FSTL4: variants seen among roughly 807,000 people sequenced by gnomAD.
The protein encoded by FSTL4 is follistatin-related protein 4.
Under a neutral mutation model 78.2 loss-of-function variants are expected in FSTL4, and 28 were observed. That is an observed-to-expected ratio of 0.36 (90% CI 0.27 to 0.49). The LOEUF (loss-of-function observed/expected upper bound fraction) is 0.49. Among genes scored for constraint, FSTL4 ranks in the 20% least tolerant of loss-of-function variants. The probability of loss-of-function intolerance (pLI) is 0.98; values close to 1 mark genes in which losing one functional copy is unlikely to be tolerated. For missense variants in FSTL4, 922 were observed against 1,084.9 expected (o/e 0.85, Z 2.11); for synonymous variants, 422 against 440.5 (o/e 0.96, Z 0.53).
chr5:133,279,428 G>T (rs765985605), intron 6 of FSTL4, among the ~76,000 whole-genome samples: 1 of 152,202 alleles, frequency 6.6e-6, no homozygotes, highest in African/African-American at 2.4e-5. Context: ...GTGGAAAAAC[G>T]GTCTTCCAGG....
At chr5:133,566,500 T>C (rs1218599594) in intron 3 of FSTL4, among the ~76,000 whole-genome samples, 1 of 152,174 alleles carries the variant, frequency 6.6e-6, no homozygotes, top group African/African-American at 2.4e-5. Flanking sequence ...ATTCTATCCA[T>C]GTAATAAAAA....
intron 1 of FSTL4, among the ~76,000 whole-genome samples, chr5:133,608,391 C>T (rs1012006476): frequency 6.6e-6 from 1 of 152,194 alleles, no homozygotes; most frequent in African/African-American, 2.4e-5. Context: ...CAGACATTCC[C>T]CCAGTCAGGA....
chr5:133,310,077 A>G (rs932679288), intron 6 of FSTL4, among the ~76,000 whole-genome samples: 1 of 152,232 alleles, frequency 6.6e-6, no homozygotes, highest in Non-Finnish European at 1.5e-5. Context: ...GAGCTATGGG[A>G]ATTTAGTTTA....
intron 6 of FSTL4, among the ~76,000 whole-genome samples, chr5:133,285,042 T>C (rs886310431): frequency 5.3e-5 from 8 of 152,194 alleles, no homozygotes; most frequent in African/African-American, 9.6e-5. Context: ...TGATAGGTGA[T>C]GCTATGGAAG....
rs577861444 is a variant in FSTL4 at position 133,290,040 on chromosome 5, A to T, written c.727+22614T>A. Among the ~76,000 whole-genome samples the T allele has an allele frequency of 2.6e-5, 4 of 152,278 alleles. No homozygotes were observed. The East Asian group carries it at 7.7e-4, about 29-fold the overall frequency. The stretch of plus-strand genomic sequence containing the variant: ...GGGTGCTGATGGCTCTCCATCCCCG[A>T]GAGAGTGGCCAAGATCAAGAATTCA... On this transcript the variant is annotated intron_variant, in intron 6 of 15. Coordinates refer to ENST00000265342, the MANE Select transcript of FSTL4 (RefSeq NM_015082.2).
At chr5:133,708,007 T>A in the FSTL4 span, among the ~76,000 whole-genome samples, 5 of 151,284 alleles carry the variant, frequency 3.3e-5, no homozygotes. Flanking sequence ...GCTGAGCATG[T>A]GTAACTCCAA....
chr5:133,317,488 A>G (rs1021768790), intron 4 of FSTL4, among the ~76,000 whole-genome samples: 14 of 152,346 alleles, frequency 9.2e-5, no homozygotes, highest in African/African-American at 3.1e-4. Flanking sequence ...GCTTTGCTGA[A>G]TCCTGGAGAA....
At chr5:133,567,349 G>C in intron 2 of FSTL4, 130 bp from the exon 3 acceptor site, 1 of 721,316 alleles carries the variant, frequency 1.4e-6, no homozygotes, top group Non-Finnish European at 2.4e-6. Context: ...ATGACACTGA[G>C]CAATGTTGGT....
At chr5:133,300,025 T>C (rs966585193) in intron 6 of FSTL4, among the ~76,000 whole-genome samples, 3 of 152,170 alleles carry the variant, frequency 2.0e-5, no homozygotes, top group Admixed American at 6.5e-5. Flanking sequence ...ATATTTTCTG[T>C]GTTTTCCCAA....
At chr5:133,436,173 C>A (rs1757028142) in intron 3 of FSTL4, among the ~76,000 whole-genome samples, 1 of 152,098 alleles carries the variant, frequency 6.6e-6, no homozygotes. Flanking sequence ...TGTAAAATTA[C>A]AATGGTGGCC....
the FSTL4 span, among the ~76,000 whole-genome samples, chr5:133,646,036 C>G: frequency 3.3e-5 from 5 of 152,156 alleles, no homozygotes; most frequent in Non-Finnish European, 7.4e-5. Context: ...CAGTCATGAT[C>G]AAGAAAGACA....
chr5:133,427,398 TC>T (rs563383156), intron 3 of FSTL4, among the ~76,000 whole-genome samples: 165 of 152,036 alleles, frequency 1.1e-3, no homozygotes, highest in African/African-American at 3.8e-3. Context: ...GATATAAGAG[TC>T]CACTTCCGAG....
At chr5:133,475,003 CAG>C (rs1339524660) in intron 3 of FSTL4, among the ~76,000 whole-genome samples, 1 of 152,176 alleles carries the variant, frequency 6.6e-6, no homozygotes, top group African/African-American at 2.4e-5. Context: ...CTGTCCTCAG[CAG>C]AGAGAGAATA....
At chr5:133,550,780 C>T (rs891058639) in intron 3 of FSTL4, among the ~76,000 whole-genome samples, 2 of 152,208 alleles carry the variant, frequency 1.3e-5, no homozygotes, top group African/African-American at 4.8e-5. Context: ...AGACAACTCT[C>T]AACTCAATGA....
chr5:133,203,213 G>A (rs911265490), intron 14 of FSTL4, among the ~76,000 whole-genome samples: 1 of 152,206 alleles, frequency 6.6e-6, no homozygotes, highest in African/African-American at 2.4e-5. Context: ...CCCTGAACGG[G>A]AATGTGAGAC....
At chr5:133,410,956 G>A (rs1488953774) in intron 3 of FSTL4, among the ~76,000 whole-genome samples, 1 of 152,190 alleles carries the variant, frequency 6.6e-6, no homozygotes, top group East Asian at 1.9e-4. Context: ...GCCAAGCAGT[G>A]GCTGAGGCCT....
chr5:133,660,323 T>C, the FSTL4 span, among the ~76,000 whole-genome samples: 1 of 152,108 alleles, frequency 6.6e-6, no homozygotes, highest in East Asian at 1.9e-4. Context: ...TAGGGCACCT[T>C]AGGAGCATCC....
chr5:133,841,227 T>C, the FSTL4 span, among the ~76,000 whole-genome samples: 3 of 152,206 alleles, frequency 2.0e-5, no homozygotes, highest in Admixed American at 2.0e-4. Context: ...TCAACTGGCC[T>C]GGGAAAATCA....
chr5:133,632,089 A>G, the FSTL4 span, among the ~76,000 whole-genome samples: 5 of 152,192 alleles, frequency 3.3e-5, no homozygotes, highest in African/African-American at 1.2e-4. Context: ...TGGCACATGT[A>G]TACCTATGTA....
Sources: allele counts gnomAD v4.1 joint callset (sites outside exome capture counted in the v4.1 genomes callset), GRCh38; gene constraint gnomAD v4.1.1; transcripts MANE v1.5; gene names NCBI Gene and HGNC (gene_info 2026-07-23, HGNC 2026-07-21).